Variants in TAAR1 observed in about 807,000 individuals in gnomAD.
TAAR1 encodes the protein trace amine-associated receptor 1.
In TAAR1, 1 loss-of-function variant was observed where a neutral mutation model predicts 1.2. That is an observed-to-expected ratio of 0.81 (90% confidence interval 0.29 to 3.86). TAAR1 has a LOEUF of 3.86. Ranked by LOEUF, TAAR1 falls within the 30% of genes most tolerant of loss-of-function variation. The probability of loss-of-function intolerance (pLI) is 0.18; values close to 1 mark genes in which losing one functional copy is unlikely to be tolerated. For missense variants in TAAR1, 445 were observed against 405.6 expected (o/e 1.10, Z -0.83); for synonymous variants, 153 against 132.2 (o/e 1.16, Z -1.08).
rs1178311069 is a variant in TAAR1 at position 132,643,460 on chromosome 6, T to G, written c.*1524A>C. On this transcript the variant is annotated 3_prime_UTR_variant, in exon 2 of 2. Transcript: ENST00000275216. ...CTTATTTAGTCTTGTGTGTACTAAA[T>G]TAAAAACATAAAACATAATGTTTTT... Among the ~76,000 whole-genome samples, 1 of 151,956 alleles carries G rather than the reference T, an allele frequency of 6.6e-6. No homozygotes were observed. Among genetic ancestry groups the G allele is most frequent in the Non-Finnish European group, 1.5e-5 (1 of 67,914 alleles).
At chr6:132,655,508 T>C (rs1777795709) in intron 1 of TAAR1, among the ~76,000 whole-genome samples, 1 of 151,194 alleles carries the variant, frequency 6.6e-6, no homozygotes, top group Non-Finnish European at 1.5e-5. Flanking sequence ...GCCCCCTAAA[T>C]AGATGGAACC....
chr6:132,647,411 A>G (rs1777687215), intron 1 of TAAR1, among the ~76,000 whole-genome samples: 1 of 149,880 alleles, frequency 6.7e-6, no homozygotes, highest in African/African-American at 2.5e-5. Context: ...ACACATACAC[A>G]GACATGTACA....
intron 1 of TAAR1, among the ~76,000 whole-genome samples, chr6:132,651,736 C>T (rs1777751570): frequency 6.6e-6 from 1 of 152,190 alleles, no homozygotes; most frequent in Admixed American, 6.5e-5. Context: ...GTATCCCCAA[C>T]AAGCAGCCAA....
intron 1 of TAAR1, among the ~76,000 whole-genome samples, chr6:132,656,731 G>A (rs1015946282): frequency 5.9e-5 from 9 of 152,156 alleles, no homozygotes. Context: ...TAAAAGGAAA[G>A]AAGTTCAGGC....
intron 1 of TAAR1, among the ~76,000 whole-genome samples, chr6:132,655,906 A>G (rs1264995160): frequency 6.6e-6 from 1 of 152,188 alleles, no homozygotes. Context: ...TCATGGAGGG[A>G]AGTAACAGGG....
At chr6:132,656,051 G>A (rs1254652817) in intron 1 of TAAR1, among the ~76,000 whole-genome samples, 2 of 152,142 alleles carry the variant, frequency 1.3e-5, no homozygotes, top group Non-Finnish European at 2.9e-5. Flanking sequence ...GGAAGAGCAG[G>A]CCTTTAGTGC....
At position 132,645,965 on chromosome 6, in the gene TAAR1, A is replaced by G. The variant is rs200215164; in HGVS notation, c.39T>C (p.Cys13=). The part of the protein sequence containing the change: ...PFCHNIINIS[C]VKNNWSNDVR... The stretch of plus-strand genomic sequence containing the variant: ...CATCATTTGACCAGTTGTTTTTCAC[A>G]CAGGAAATATTAATTATATTGTGGC... Residue 13 remains cysteine (C), a synonymous_variant, in exon 2 of 2, where the codon TGT becomes TGC. Coordinates refer to ENST00000275216, the MANE Select transcript of TAAR1 (RefSeq NM_138327.4). The G allele has an allele frequency of 4.5e-5, 73 of 1,607,666 alleles. No individual in the cohort carries two copies. The highest frequency in any genetic ancestry group is 6.0e-5 in the Non-Finnish European group (71 of 1,175,634).
chr6:132,650,215 A>T (rs1777735409), intron 1 of TAAR1, among the ~76,000 whole-genome samples: 1 of 152,116 alleles, frequency 6.6e-6, no homozygotes, highest in South Asian at 2.1e-4. Context: ...ACAATTTTTC[A>T]ACTCGAAGCC....
At position 132,645,789 on chromosome 6, in the gene TAAR1, A is replaced by G. The variant is rs772197554; in HGVS notation, c.215T>C (p.Leu72Pro). 7 of 1,613,802 alleles carry G rather than the reference A, an allele frequency of 4.3e-6. No individual in the cohort carries two copies. In the South Asian group the frequency reaches 5.5e-5, roughly 13 times the overall value. ...ACTGTAAGGCATGACCAGACACCCC[A>G]GAAGAAAGTCCACAGTGGCCATGGA... ...IHSMATVDFL[L>P]GCLVMPYSMV... Residue 72 changes from leucine to proline, a missense_variant, in exon 2 of 2, where the codon CTG (leucine) becomes CCG (proline). Transcript: ENST00000275216.
At chr6:132,654,268 T>C (rs990744930) in intron 1 of TAAR1, among the ~76,000 whole-genome samples, 1 of 152,244 alleles carries the variant, frequency 6.6e-6, no homozygotes, top group Non-Finnish European at 1.5e-5. Flanking sequence ...GGTTCTATCC[T>C]GGATGAGAGT....
At chr6:132,655,858 G>A (rs1230536287) in intron 1 of TAAR1, among the ~76,000 whole-genome samples, 1 of 152,200 alleles carries the variant, frequency 6.6e-6, no homozygotes, top group Non-Finnish European at 1.5e-5. Context: ...ACAGCCAGCA[G>A]GAATTGTAGA....
chr6:132,655,458 C>A (rs1402913255), intron 1 of TAAR1, among the ~76,000 whole-genome samples: 2 of 149,442 alleles, frequency 1.3e-5, no homozygotes, highest in Non-Finnish European at 3.0e-5. Context: ...TGGTTCACTG[C>A]AGCCTCAATC....
At chr6:132,648,029 C>G (rs972189128) in intron 1 of TAAR1, among the ~76,000 whole-genome samples, 1 of 152,084 alleles carries the variant, frequency 6.6e-6, no homozygotes, top group Non-Finnish European at 1.5e-5. Context: ...CAGGCTCATT[C>G]CATGATAGAA....
chr6:132,645,553 G>C lies in TAAR1; in HGVS notation c.451C>G (p.Pro151Ala), dbSNP rs774487833. 1 of 1,613,354 alleles carries C rather than the reference G, an allele frequency of 6.2e-7. No individual in the cohort carries two copies. The highest frequency in any genetic ancestry group is 8.5e-7 in the Non-Finnish European group (1 of 1,179,734). ...ATCATTCCAAATGCAAAAACAGCAG[G>C]GACACTCCAACTAATGAAGATCATC... ...CVMIFISWSV[P>A]AVFAFGMIFL... The change falls in exon 2 of 2, where the codon CCT (proline) becomes GCT (alanine). Residue 151 changes from proline to alanine, a missense_variant. Transcript: ENST00000275216.
chr6:132,647,657 A>AAAG (rs1777698963), intron 1 of TAAR1, among the ~76,000 whole-genome samples: 7 of 149,834 alleles, frequency 4.7e-5, no homozygotes, highest in South Asian at 4.2e-4. Flanking sequence ...AGAAAGAAAG[A>AAAG]AAGAAAGAAA....
At chr6:132,650,618 A>T (rs1452652517) in intron 1 of TAAR1, among the ~76,000 whole-genome samples, 1 of 152,182 alleles carries the variant, frequency 6.6e-6, no homozygotes, top group African/African-American at 2.4e-5. Context: ...CACTGAAAAA[A>T]GTGATGCAAT....
chr6:132,646,429 A>T lies in TAAR1; in HGVS notation c.-126-300T>A, dbSNP rs117345964. Among the ~76,000 whole-genome samples the T allele has an allele frequency of 9.7e-4, 148 of 152,296 alleles. 2 individuals are homozygous for T. The East Asian group carries it at 0.026, about 27-fold the overall frequency. On this transcript the variant is annotated intron_variant, in intron 1 of 1. Coordinates refer to ENST00000275216, the MANE Select transcript of TAAR1 (RefSeq NM_138327.4). Reference sequence around the variant, plus strand: ...TAATCTATGGAAACAATCTGTGTCCATAGGAAGCCAGTCTAGTGGGGGAGA... The same window carrying T: ...TAATCTATGGAAACAATCTGTGTCCTTAGGAAGCCAGTCTAGTGGGGGAGA...
intron 1 of TAAR1, among the ~76,000 whole-genome samples, chr6:132,647,639 A>G (rs1333509790): frequency 4.8e-5 from 6 of 126,276 alleles, no homozygotes; most frequent in Admixed American, 3.7e-4. Context: ...AAAGAAAGAA[A>G]GAAAGAAAGA....
At position 132,645,797 on chromosome 6, in the gene TAAR1, G is replaced by T; in HGVS notation, c.207C>A (p.Asp69Glu). The part of the protein sequence containing the change: ...NWLIHSMATV[D>E]FLLGCLVMPY... ...GCATGACCAGACACCCCAGAAGAAAGTCCACAGTGGCCATGGAATGAATGA... is the reference window on the plus strand; with the variant it reads ...GCATGACCAGACACCCCAGAAGAAATTCCACAGTGGCCATGGAATGAATGA... The change falls in exon 2 of 2, where the codon GAC becomes GAA. Residue 69 changes from aspartate (D) to glutamate (E), a missense_variant. Coordinates refer to ENST00000275216, the MANE Select transcript of TAAR1 (RefSeq NM_138327.4). 6.2e-7 allele frequency: 1 copy of T among 1,613,726 alleles called. No homozygotes were observed. Among genetic ancestry groups the T allele is most frequent in the African/African-American group, 1.3e-5 (1 of 75,006 alleles).
Sources: allele counts gnomAD v4.1 joint callset (sites outside exome capture counted in the v4.1 genomes callset), GRCh38; gene constraint gnomAD v4.1.1; transcripts MANE v1.5; gene names NCBI Gene and HGNC (gene_info 2026-07-23, HGNC 2026-07-21).